RALGPS1: variants seen among roughly 807,000 people sequenced by gnomAD.
The protein encoded by RALGPS1 is ras-specific guanine nucleotide-releasing factor RalGPS1.
A neutral mutation model predicts 78.8 loss-of-function variants in RALGPS1; 19 were observed. That is an observed-to-expected ratio of 0.24 (90% CI 0.17 to 0.35). The LOEUF (loss-of-function observed/expected upper bound fraction) is 0.35. RALGPS1 is among the 10% of genes least tolerant of loss of function. The pLI is 1.00. For synonymous variants in RALGPS1, 228 were observed against 256.3 expected (o/e 0.89, Z 1.06); for missense variants, 454 against 688.3 (o/e 0.66, Z 3.81).
intron 8 of RALGPS1, among the ~76,000 whole-genome samples, chr9:127,137,195 C>CAACCCAGCT (rs1376793920): frequency 6.6e-6 from 1 of 152,222 alleles, no homozygotes; most frequent in Non-Finnish European, 1.5e-5. Flanking sequence ...GAAGGGCATG[C>CAACCCAGCT]AACCCAGCTA....
intron 3 of RALGPS1, among the ~76,000 whole-genome samples, chr9:126,969,464 A>G (rs1588714754): frequency 1.3e-5 from 2 of 152,188 alleles, no homozygotes; most frequent in Non-Finnish European, 2.9e-5. Flanking sequence ...CAGTAGCCAC[A>G]TGTGGCTAGT....
At chr9:126,975,755 A>G (rs938006554) in intron 3 of RALGPS1, among the ~76,000 whole-genome samples, 7 of 152,162 alleles carry the variant, frequency 4.6e-5, no homozygotes, top group African/African-American at 1.7e-4. Context: ...CAACACCCAG[A>G]TTATGAGGGC....
intron 8 of RALGPS1, among the ~76,000 whole-genome samples, chr9:127,098,601 G>A (rs1026333787): frequency 1.3e-5 from 2 of 152,152 alleles, no homozygotes; most frequent in African/African-American, 4.8e-5. Context: ...CAAGTACACA[G>A]GTCTCAGCCC....
At chr9:127,094,761 T>C (rs1244134541) in intron 8 of RALGPS1, among the ~76,000 whole-genome samples, 1 of 152,236 alleles carries the variant, frequency 6.6e-6, no homozygotes, top group East Asian at 1.9e-4. Context: ...ATGTCCAGGA[T>C]ACAGCCCAAT....
intron 4 of RALGPS1, 61 bp from the exon 5 acceptor site, chr9:127,034,370 C>A: frequency 2.1e-6 from 3 of 1,429,064 alleles, no homozygotes; most frequent in Middle Eastern, 1.8e-4. Context: ...CCATTTAATG[C>A]CCCTGGTGTA....
chr9:127,041,078 TTTTC>T (rs1301884289), intron 5 of RALGPS1, among the ~76,000 whole-genome samples: 19 of 148,742 alleles, frequency 1.3e-4, no homozygotes, highest in South Asian at 2.1e-4. Context: ...TGTACTAAAG[TTTTC>T]TTTCTTTCTT....
At chr9:127,150,352 G>A (rs1431593170) in intron 8 of RALGPS1, among the ~76,000 whole-genome samples, 3 of 152,232 alleles carry the variant, frequency 2.0e-5, no homozygotes, top group Non-Finnish European at 4.4e-5. Flanking sequence ...CCTCACCGAA[G>A]GAGAGAAGCA....
rs116561657 is a variant in RALGPS1 at position 127,112,570 on chromosome 9, C to T, written c.610+43214C>T. On this transcript the variant is annotated intron_variant, in intron 8 of 18. Transcript: ENST00000259351. The stretch of plus-strand genomic sequence containing the variant: ...ACTATTTATGGTTGAGTTCTATCCT[C>T]TCCCAAACATGGGCTCTCACAGCTC... 2.4e-3 allele frequency among the ~76,000 whole-genome samples: 371 copies of T among 152,376 alleles called. 3 individuals are homozygous for T. The highest frequency in any genetic ancestry group is 8.4e-3 in the African/African-American group (350 of 41,596).
At chr9:127,099,117 G>A (rs896996641) in intron 8 of RALGPS1, among the ~76,000 whole-genome samples, 3 of 152,200 alleles carry the variant, frequency 2.0e-5, no homozygotes, top group Non-Finnish European at 4.4e-5. Context: ...TGGACCCCAT[G>A]GCTGGCCAGC....
At chr9:127,042,973 G>C (rs187744098) in intron 5 of RALGPS1, among the ~76,000 whole-genome samples, 4 of 152,044 alleles carry the variant, frequency 2.6e-5, no homozygotes, top group Admixed American at 2.0e-4. Flanking sequence ...AATATGTACA[G>C]GTTCTGTTAA....
intron 14 of RALGPS1, among the ~76,000 whole-genome samples, chr9:127,208,834 C>A (rs1238267504): frequency 6.6e-6 from 1 of 152,192 alleles, no homozygotes; most frequent in Non-Finnish European, 1.5e-5. Flanking sequence ...AAATACAAAG[C>A]CACGCACTGT....
At chr9:127,172,446 T>C (rs1218192153) in intron 10 of RALGPS1, among the ~76,000 whole-genome samples, 1 of 152,220 alleles carries the variant, frequency 6.6e-6, no homozygotes, top group Non-Finnish European at 1.5e-5. Context: ...CCCCAGACCA[T>C]GGTGTCGTCA....
Position 127,212,988 on chromosome 9 carries a change from G to A in RALGPS1, c.1491G>A (p.Met497Ile), listed in dbSNP as rs1415594164. ...PGKKVSIVGW[M>I]VQLPDDPEHP... ...AAAAGGTTTCCATCGTGGGCTGGAT[G>A]GTGCAGCTGCCCGATGACCCCGAGC... Residue 497 changes from methionine to isoleucine, a missense_variant, in exon 17 of 19, where the codon ATG (methionine) becomes ATA (isoleucine). By Grantham distance (10) the Met-to-Ile change is conservative. Transcript: ENST00000259351. This position sits in a 1 kb window ranked among gnomAD's most constrained non-coding sequence, Gnocchi z 6.0. 1.2e-6 allele frequency: 2 copies of A among 1,614,068 alleles called. No individual in the cohort carries two copies. The highest frequency in any genetic ancestry group is 1.7e-5 in the Admixed American group (1 of 60,010).
intron 4 of RALGPS1, among the ~76,000 whole-genome samples, chr9:127,007,775 C>T (rs1371520522): frequency 2.6e-5 from 4 of 152,174 alleles, no homozygotes; most frequent in South Asian, 2.1e-4. Context: ...GGGTCAGGGC[C>T]GAAGACCCTT....
chr9:127,211,806 G>A lies in RALGPS1; in HGVS notation c.1248-325G>A, dbSNP rs1455970069. Among the ~76,000 whole-genome samples, 7 of 152,112 alleles carry A rather than the reference G, an allele frequency of 4.6e-5. No homozygotes were observed. The highest frequency in any genetic ancestry group is 1.0e-4 in the Non-Finnish European group (7 of 68,012). ...GCTCCTCAGGTGTGGAGGAGCCCAC[G>A]CCAGCCCCAGGGAGCGGCCAGGCTG... On this transcript the variant is annotated intron_variant, in intron 14 of 18. Transcript: ENST00000259351. This position sits in a 1 kb window ranked among gnomAD's most constrained non-coding sequence, Gnocchi z 5.0.
intron 9 of RALGPS1, among the ~76,000 whole-genome samples, chr9:127,166,854 T>C (rs911486130): frequency 1.3e-5 from 2 of 152,012 alleles, no homozygotes; most frequent in African/African-American, 4.8e-5. Flanking sequence ...GAGAAAATCA[T>C]TGGAGATGAT....
chr9:127,050,640 C>A (rs969753399), intron 6 of RALGPS1, among the ~76,000 whole-genome samples: 6 of 152,290 alleles, frequency 3.9e-5, no homozygotes, highest in Admixed American at 3.3e-4. Flanking sequence ...CACCTCCTGC[C>A]CCCGGCCTGA....
chr9:126,956,123 C>G (rs1158919048), intron 1 of RALGPS1, among the ~76,000 whole-genome samples: 1 of 152,162 alleles, frequency 6.6e-6, no homozygotes, highest in Non-Finnish European at 1.5e-5. Flanking sequence ...CCAGCAGAGA[C>G]TTAATATCTC....
At chr9:127,160,800 C>G (rs1441947818) in intron 8 of RALGPS1, among the ~76,000 whole-genome samples, 2 of 152,244 alleles carry the variant, frequency 1.3e-5, no homozygotes, top group Non-Finnish European at 2.9e-5. Flanking sequence ...CTCTCACTTG[C>G]AAGCTGTGTG....
Sources: gnomAD v4.1 joint callset for allele counts (sites outside exome capture counted in the v4.1 genomes callset) on GRCh38, gnomAD v4.1.1 for gene constraint, Gnocchi (gnomAD v3.1) non-coding constraint, MANE v1.5 for transcripts, NCBI Gene and HGNC (gene_info 2026-07-23, HGNC 2026-07-21) for gene names.